The following ELP3 variants were observed in gnomAD, a reference collection of about 807,000 sequenced individuals.
ELP3 encodes the protein elongator acetyltransferase complex subunit 3, also known as elongator complex protein 3.
In ELP3, 56 loss-of-function variants were observed where a neutral mutation model predicts 74.9. The ratio of observed to expected loss-of-function variants is 0.75; its 90% CI spans 0.60 to 0.93. ELP3 has a LOEUF of 0.93. Among genes scored for constraint, ELP3 ranks in the 40% least tolerant of loss-of-function variants. The pLI, the probability that ELP3 is intolerant of heterozygous loss-of-function variation, is 0.00. For missense variants in ELP3, 573 were observed against 686.5 expected, an observed-to-expected ratio of 0.83 and a Z score of 1.85; for synonymous variants, 222 against 239.8, an observed-to-expected ratio of 0.93 and a Z score of 0.68.
intron 14 of ELP3, among the ~76,000 whole-genome samples, chr8:28,184,291 T>C (rs1415130056): frequency 6.6e-6 from 1 of 152,184 alleles, no homozygotes; most frequent in East Asian, 1.9e-4. Flanking sequence ...CTGGAGACAG[T>C]GTTCCATCTC....
At chr8:28,162,261 T>G (rs770931197) in intron 14 of ELP3, among the ~76,000 whole-genome samples, 183 bp downstream of exon 14, 4 of 152,158 alleles carry the variant, frequency 2.6e-5, no homozygotes, top group Non-Finnish European at 4.4e-5. Context: ...GAATAGAGAT[T>G]TCCGAGCCCT....
chr8:28,092,292 T>C (rs1306736177), upstream of ELP3, among the ~76,000 whole-genome samples: 3 of 152,306 alleles, frequency 2.0e-5, no homozygotes, highest in Admixed American at 2.0e-4. Flanking sequence ...CAACAGAGAA[T>C]GATCTCCACT....
chr8:28,101,183 C>T lies in ELP3; in HGVS notation c.258+1217C>T, dbSNP rs142172721. 4.0e-4 allele frequency among the ~76,000 whole-genome samples: 60 copies of T among 151,736 alleles called. 2 individuals are homozygous for T. In the East Asian group the frequency reaches 9.7e-3, roughly 24 times the overall value. On this transcript the variant is annotated intron_variant, in intron 3 of 14. Coordinates refer to ENST00000256398, the MANE Select transcript of ELP3 (RefSeq NM_018091.6). ...CTGTAATCCCAGCACTTTGGGAGGC[C>T]GAGGTGGGCCGATCACAAGGTCAGG... is the stretch of plus-strand genomic sequence containing the variant.
upstream of ELP3, among the ~76,000 whole-genome samples, chr8:28,091,235 C>T (rs920859994): frequency 6.6e-6 from 1 of 152,068 alleles, no homozygotes; most frequent in Non-Finnish European, 1.5e-5. Context: ...CTTTAAGAGT[C>T]GGTTCTGTGC....
At chr8:28,157,555 A>G (rs991486667) in intron 11 of ELP3, among the ~76,000 whole-genome samples, 5 of 152,184 alleles carry the variant, frequency 3.3e-5, no homozygotes, top group African/African-American at 1.2e-4. Flanking sequence ...CAACTGAATA[A>G]TGAGCTCTTA....
At chr8:28,136,923 A>C (rs775808963) in intron 9 of ELP3, among the ~76,000 whole-genome samples, 5 of 152,240 alleles carry the variant, frequency 3.3e-5, no homozygotes, top group Non-Finnish European at 5.9e-5. Flanking sequence ...TAAAGAAAGA[A>C]AGCAGCCAGC....
At chr8:28,177,336 G>A (rs1814799137) in intron 14 of ELP3, among the ~76,000 whole-genome samples, 1 of 152,162 alleles carries the variant, frequency 6.6e-6, no homozygotes. Flanking sequence ...TTTGATATCA[G>A]TGTACATTGT....
At chr8:28,141,480 T>C (rs1452536968) in intron 10 of ELP3, among the ~76,000 whole-genome samples, 1 of 152,220 alleles carries the variant, frequency 6.6e-6, no homozygotes, top group Non-Finnish European at 1.5e-5. Context: ...CCTTTGGCTG[T>C]AAAGGACTTT....
At chr8:28,134,280 A>G (rs1458445195) in intron 9 of ELP3, among the ~76,000 whole-genome samples, 1 of 152,206 alleles carries the variant, frequency 6.6e-6, no homozygotes, top group Non-Finnish European at 1.5e-5. Context: ...GCCATAGCAA[A>G]TAGCTGAGTC....
chr8:28,176,934 GA>G (rs146886456), intron 14 of ELP3, among the ~76,000 whole-genome samples: 3,540 of 152,108 alleles, frequency 0.023, 41 homozygotes, highest in Non-Finnish European at 0.032. Flanking sequence ...CTCCCTGAAA[GA>G]AAAAAACTCT....
chr8:28,114,503 T>C (rs1227556817), intron 7 of ELP3, among the ~76,000 whole-genome samples: 3 of 151,658 alleles, frequency 2.0e-5, no homozygotes, highest in African/African-American at 4.9e-5. Flanking sequence ...ACATGACGGG[T>C]GCAGGGAGGT....
intron 14 of ELP3, among the ~76,000 whole-genome samples, chr8:28,163,436 A>G (rs1055173629): frequency 3.9e-5 from 6 of 152,120 alleles, no homozygotes; most frequent in African/African-American, 1.4e-4. Flanking sequence ...TTTAATGATT[A>G]TAATTATGAA....
intron 6 of ELP3, chr8:28,112,804 A>G (rs1335647964): frequency 5.6e-6 from 2 of 359,320 alleles, no homozygotes; most frequent in East Asian, 4.2e-5. Flanking sequence ...TTGTTATTTT[A>G]TATTCTCATT....
At chr8:28,182,211 A>T (rs1445605844) in intron 14 of ELP3, among the ~76,000 whole-genome samples, 1 of 151,968 alleles carries the variant, frequency 6.6e-6, no homozygotes, top group Non-Finnish European at 1.5e-5. Context: ...CTATCTCCCC[A>T]CTCTTTCCCC....
chr8:28,153,851 T>TGGTGCACTGG (rs1813728753), intron 10 of ELP3, among the ~76,000 whole-genome samples: 1 of 152,170 alleles, frequency 6.6e-6, no homozygotes, highest in Non-Finnish European at 1.5e-5. Flanking sequence ...CATTGGGTAA[T>TGGTGCACTGG]TAACTTCTCA....
intron 7 of ELP3, chr8:28,113,935 C>T (rs1466866143): frequency 6.6e-6 from 1 of 152,070 alleles, no homozygotes; most frequent in African/African-American, 2.4e-5. Flanking sequence ...ATTCAAACCA[C>T]AAGTTAATTT....
chr8:28,137,320 CCT>C (rs988939417), intron 9 of ELP3, among the ~76,000 whole-genome samples: 2 of 151,984 alleles, frequency 1.3e-5, no homozygotes, highest in East Asian at 1.9e-4. Flanking sequence ...GTCAGAGGGG[CCT>C]CTCTGAAGAA....
At chr8:28,096,413 C>T (rs977716602) in intron 1 of ELP3, among the ~76,000 whole-genome samples, 8 of 152,306 alleles carry the variant, frequency 5.3e-5, no homozygotes, top group Middle Eastern at 6.8e-3. Context: ...GGTTGGGAAC[C>T]ACTGCTCTAC....
At position 28,147,309 on chromosome 8, in the gene ELP3, AAGCGT is replaced by A; in HGVS notation, c.1101-8632_1101-8628del. On this transcript the variant is annotated intron_variant, in intron 10 of 14. Transcript: ENST00000256398. The surrounding 1 kb of genome is among the most constrained non-coding windows in gnomAD (Gnocchi z 4.5). Reference sequence around the variant, plus strand: ...ACTGCCTGTGGAGACAGTGCACCTGAAGCGTGGCCAGCAGCGTGCCTGGCACCTGA... The same window carrying A: ...ACTGCCTGTGGAGACAGTGCACCTGAGGCCAGCAGCGTGCCTGGCACCTGA... Among the ~76,000 whole-genome samples the A allele has an allele frequency of 6.6e-6, 1 of 152,220 alleles. No homozygotes were observed. Among genetic ancestry groups the A allele is most frequent in the Non-Finnish European group, 1.5e-5 (1 of 68,044 alleles).
Sources: gnomAD v4.1 joint callset for allele counts (sites outside exome capture counted in the v4.1 genomes callset) on GRCh38, gnomAD v4.1.1 for gene constraint, Gnocchi (gnomAD v3.1) non-coding constraint, MANE v1.5 for transcripts, NCBI Gene and HGNC (gene_info 2026-07-23, HGNC 2026-07-21) for gene names.